HEATR4: variants seen among roughly 807,000 people sequenced by gnomAD.
HEATR4 encodes the protein HEAT repeat containing 4, also known as HEAT repeat-containing protein 4.
A neutral mutation model predicts 108.8 loss-of-function variants in HEATR4; 95 were observed. That is an observed-to-expected ratio of 0.87 (90% CI 0.74 to 1.04). The LOEUF is 1.04. Ranked by LOEUF, HEATR4 falls within the 50% of genes least tolerant of loss-of-function variation. The probability of loss-of-function intolerance (pLI) is 0.00; values close to 1 mark genes in which losing one functional copy is unlikely to be tolerated. For missense variants in HEATR4, 1,152 were observed against 1,253.8 expected (o/e 0.92, Z 1.23); for synonymous variants, 443 against 459.4 (o/e 0.96, Z 0.46).
the HEATR4 span, chr14:73,592,130 C>T: frequency 6.4e-7 from 1 of 1,565,508 alleles, no homozygotes; most frequent in Non-Finnish European, 8.6e-7. Context: ...CCGACGCCCG[C>T]GGCGAGCTGG....
chr14:73,590,086 A>T, the HEATR4 span, among the ~76,000 whole-genome samples: 1 of 152,190 alleles, frequency 6.6e-6, no homozygotes, highest in Non-Finnish European at 1.5e-5. Context: ...CCCGCAACGT[A>T]GAAAAGAACC....
the HEATR4 span, among the ~76,000 whole-genome samples, chr14:73,583,542 A>G: frequency 6.9e-4 from 105 of 151,918 alleles, 1 homozygote; most frequent in African/African-American, 2.3e-3. Flanking sequence ...ATGTCAGGTG[A>G]TGGTTCGACA....
chr14:73,564,093 G>A, the HEATR4 span, among the ~76,000 whole-genome samples: 5 of 151,874 alleles, frequency 3.3e-5, no homozygotes, highest in Admixed American at 6.6e-5. Flanking sequence ...AAGGTCAGGA[G>A]TTTGAGACCA....
chr14:73,491,979 G>T, intron 17 of HEATR4: 1 of 1,613,980 alleles, frequency 6.2e-7, no homozygotes. Flanking sequence ...CAGTTTGGAA[G>T]CATGGCAGGC....
At chr14:73,630,627 T>C in the HEATR4 span, among the ~76,000 whole-genome samples, 168 of 152,310 alleles carry the variant, frequency 1.1e-3, 1 homozygote, top group Middle Eastern at 6.8e-3. Context: ...GGTCCCTCTT[T>C]AGAATGGGAA....
At chr14:73,570,387 G>A in the HEATR4 span, among the ~76,000 whole-genome samples, 1 of 151,804 alleles carries the variant, frequency 6.6e-6, no homozygotes, top group South Asian at 2.1e-4. Context: ...GACTAACACG[G>A]TGAAACCCCG....
At chr14:73,578,730 G>C in the HEATR4 span, among the ~76,000 whole-genome samples, 1 of 151,990 alleles carries the variant, frequency 6.6e-6, no homozygotes, top group South Asian at 2.1e-4. Flanking sequence ...AAGGTGGGCA[G>C]ATCACCTGAG....
At chr14:73,497,396 G>A (rs994409785) in intron 14 of HEATR4, among the ~76,000 whole-genome samples, 1 of 152,108 alleles carries the variant, frequency 6.6e-6, no homozygotes, top group Non-Finnish European at 1.5e-5. Context: ...CTTTATGACA[G>A]GCGCTAAACA....
chr14:73,494,501 G>A (rs575654646), intron 16 of HEATR4, among the ~76,000 whole-genome samples: 5 of 152,268 alleles, frequency 3.3e-5, no homozygotes, highest in African/African-American at 1.2e-4. Context: ...AAGTAAAAAT[G>A]ATAGTTCTCC....
At chr14:73,612,569 G>A in the HEATR4 span, 1 of 1,386,856 alleles carries the variant, frequency 7.2e-7, no homozygotes, top group Non-Finnish European at 9.4e-7. Context: ...TACCCAGATT[G>A]GGATGGCAGC....
At chr14:73,569,775 G>T in the HEATR4 span, 3 of 1,606,520 alleles carry the variant, frequency 1.9e-6, no homozygotes, top group African/African-American at 4.0e-5. Context: ...CCCCGACCCC[G>T]GGCGGCTGCT....
At chr14:73,559,556 C>G (rs1889477000), upstream of HEATR4, among the ~76,000 whole-genome samples, 1 of 151,590 alleles carries the variant, frequency 6.6e-6, no homozygotes, top group Non-Finnish European at 1.5e-5. Context: ...ATGGTGAAAC[C>G]CCATCTCTAC....
At chr14:73,578,121 G>T in the HEATR4 span, among the ~76,000 whole-genome samples, 2 of 151,796 alleles carry the variant, frequency 1.3e-5, no homozygotes, top group African/African-American at 4.8e-5. Flanking sequence ...AAAGTGCCAG[G>T]ATTATAGGCG....
chr14:73,520,657 G>A (rs890524792), intron 4 of HEATR4, 195 bp downstream of exon 4: 17 of 529,696 alleles, frequency 3.2e-5, no homozygotes, highest in Non-Finnish European at 5.0e-5. Context: ...GGGAGAGAGA[G>A]CAGTTCCCTC....
At chr14:73,482,593 T>C (rs12889927) in intron 17 of HEATR4, among the ~76,000 whole-genome samples, 7,387 of 152,282 alleles carry the variant, frequency 0.049, 615 homozygotes, top group African/African-American at 0.17. Context: ...ATATTCTGTA[T>C]AATATATGAT....
chr14:73,549,258 ATGTGTGTGTGTGTC>A lies in HEATR4; in HGVS notation c.-152+9479_-152+9492del, dbSNP rs1187336274. 1.8e-5 allele frequency among the ~76,000 whole-genome samples: 2 copies of A among 111,996 alleles called. 1 individual carries two copies. Among genetic ancestry groups the A allele is most frequent in the Non-Finnish European group, 3.9e-5 (2 of 51,482 alleles). 73.5% of individuals were successfully genotyped at this position (111,996 alleles called of 152,430 possible). ...ACAGTCACTTCCCAAATGCCTCGTGATGTGTGTGTGTGTCTGTGTGTGTGTGTATCTCAGGGGCG... is the reference window on the plus strand; with the variant it reads ...ACAGTCACTTCCCAAATGCCTCGTGATGTGTGTGTGTGTATCTCAGGGGCG... On this transcript the variant is annotated intron_variant, in intron 1 of 17. Coordinates refer to ENST00000553558, the MANE Select transcript of HEATR4 (RefSeq NM_001220484.1).
At chr14:73,622,630 C>G in the HEATR4 span, among the ~76,000 whole-genome samples, 1 of 151,912 alleles carries the variant, frequency 6.6e-6, no homozygotes. Context: ...GAACTCCTGA[C>G]CTCAGGTGAT....
At chr14:73,563,660 C>T (rs1889562777), upstream of HEATR4, among the ~76,000 whole-genome samples, 1 of 151,784 alleles carries the variant, frequency 6.6e-6, no homozygotes, top group African/African-American at 2.4e-5. Flanking sequence ...TTGATTTGTA[C>T]ACTTAAAAAT....
rs2140257620 is a variant in HEATR4, at chr14:73,498,144, T to G, written c.2546+11A>C. ...TAAGGTCATGGTGGGAGCCAGAGGT[T>G]TAGTGCTTACTTTAGAACAGCATCG... On this transcript the variant is annotated intron_variant, in intron 14 of 17. Coordinates refer to ENST00000553558, the MANE Select transcript of HEATR4 (RefSeq NM_001220484.1). 1 of 1,600,176 alleles carries G rather than the reference T, an allele frequency of 6.2e-7. No homozygotes were observed. Among genetic ancestry groups the G allele is most frequent in the Admixed American group, 1.7e-5 (1 of 59,582 alleles).
Sources: allele counts gnomAD v4.1 joint callset (sites outside exome capture counted in the v4.1 genomes callset), GRCh38; gene constraint gnomAD v4.1.1; transcripts MANE v1.5; gene names NCBI Gene and HGNC (gene_info 2026-07-23, HGNC 2026-07-21).